CNTN4: variants seen among roughly 807,000 people sequenced by gnomAD.
CNTN4 encodes contactin 4.
Under a neutral mutation model 122.5 loss-of-function variants are expected in CNTN4, and 77 were observed. The observed-to-expected ratio is 0.63, with a 90% confidence interval of 0.52 to 0.76. The LOEUF (loss-of-function observed/expected upper bound fraction) is 0.76, where lower values mean the gene tolerates loss of function less well. Ranked by LOEUF, CNTN4 falls within the 30% of genes least tolerant of loss-of-function variation. The pLI is 0.00. For synonymous variants in CNTN4, 512 were observed against 447.0 expected (o/e 1.15, Z -1.83); for missense variants, 1,256 against 1,259.1 (o/e 1.00, Z 0.04).
intron 4 of CNTN4, among the ~76,000 whole-genome samples, chr3:2,715,143 C>G (rs559849654): frequency 6.6e-6 from 1 of 152,096 alleles, no homozygotes; most frequent in South Asian, 2.1e-4. Context: ...TGATCTCCAC[C>G]AGGAAAGGAA....
intron 3 of CNTN4, among the ~76,000 whole-genome samples, chr3:2,413,509 A>C (rs2047302981): frequency 6.6e-6 from 1 of 151,608 alleles, no homozygotes; most frequent in South Asian, 2.1e-4. Context: ...TTTTCATAGT[A>C]TTTTTCTATT....
chr3:2,933,166 G>T (rs6785594), intron 13 of CNTN4, among the ~76,000 whole-genome samples: 15,176 of 152,136 alleles, frequency 0.1, 845 homozygotes, highest in Middle Eastern at 0.14. Context: ...CTCAGGAAAT[G>T]TACATTTTAC....
rs988936011 is a variant in CNTN4 at position 2,587,653 on chromosome 3, C to T, written c.55+16095C>T. 1.4e-4 allele frequency among the ~76,000 whole-genome samples: 21 copies of T among 152,238 alleles called. No individual in the cohort carries two copies. In the South Asian group the frequency reaches 4.1e-3, roughly 30 times the overall value. ...CCTCCCTTATGATTTCAGCTATGCG[C>T]TCGATTCAGTTGAATTTAAGAAGAT... On this transcript the variant is annotated intron_variant, in intron 4 of 24. Transcript: ENST00000418658.
intron 7 of CNTN4, among the ~76,000 whole-genome samples, chr3:2,862,733 G>A (rs1056961788): frequency 2.0e-5 from 3 of 152,032 alleles, no homozygotes; most frequent in Non-Finnish European, 4.4e-5. Context: ...ATACACTTTT[G>A]CGAGTTGCAG....
At chr3:2,598,599 C>G (rs2080882178) in intron 4 of CNTN4, among the ~76,000 whole-genome samples, 1 of 152,052 alleles carries the variant, frequency 6.6e-6, no homozygotes, top group South Asian at 2.1e-4. Flanking sequence ...GTACTCTTTC[C>G]TTGATTTTAT....
intron 13 of CNTN4, among the ~76,000 whole-genome samples, chr3:2,972,273 A>G (rs1309648763): frequency 6.6e-6 from 1 of 152,158 alleles, no homozygotes; most frequent in Admixed American, 6.5e-5. Flanking sequence ...GTTAAAAATT[A>G]TTGTACTCCT....
At chr3:2,541,881 C>T (rs1383775211) in intron 3 of CNTN4, among the ~76,000 whole-genome samples, 1 of 152,020 alleles carries the variant, frequency 6.6e-6, no homozygotes, top group Non-Finnish European at 1.5e-5. Flanking sequence ...TAGGCAGGGC[C>T]ACTGACCTTG....
chr3:2,154,214 G>A (rs1012683166), intron 2 of CNTN4, among the ~76,000 whole-genome samples: 15 of 151,962 alleles, frequency 9.9e-5, no homozygotes, highest in Middle Eastern at 3.4e-3. Context: ...GTGAAACCCC[G>A]TCTCTACAAA....
intron 3 of CNTN4, among the ~76,000 whole-genome samples, chr3:2,351,465 G>A (rs2150445250): frequency 6.6e-6 from 1 of 152,240 alleles, no homozygotes; most frequent in South Asian, 2.1e-4. Context: ...TCGCATTAAA[G>A]AAGTGGATGA....
At chr3:2,191,707 T>TAC (rs1452715246) in intron 2 of CNTN4, among the ~76,000 whole-genome samples, 17 of 140,390 alleles carry the variant, frequency 1.2e-4, no homozygotes, top group African/African-American at 4.5e-4. Context: ...TATATATATA[T>TAC]ATACACACAC....
intron 7 of CNTN4, among the ~76,000 whole-genome samples, chr3:2,855,172 C>G (rs1228368246): frequency 6.6e-6 from 1 of 152,194 alleles, no homozygotes; most frequent in Non-Finnish European, 1.5e-5. Context: ...CTACCACAGT[C>G]CCCCTCAACC....
intron 6 of CNTN4, among the ~76,000 whole-genome samples, chr3:2,817,961 G>T (rs2092775967): frequency 6.6e-6 from 1 of 152,148 alleles, no homozygotes; most frequent in African/African-American, 2.4e-5. Flanking sequence ...TGAATAAAAA[G>T]AAGTTTATTA....
chr3:2,905,563 C>A (rs114233200), intron 12 of CNTN4, among the ~76,000 whole-genome samples: 2,218 of 152,314 alleles, frequency 0.015, 47 homozygotes, highest in African/African-American at 0.05. Context: ...AGTACCATCA[C>A]CTTAGCGGTT....
At chr3:2,583,518 A>T (rs936664278) in intron 4 of CNTN4, among the ~76,000 whole-genome samples, 18 of 152,214 alleles carry the variant, frequency 1.2e-4, no homozygotes, top group Non-Finnish European at 1.5e-5. Flanking sequence ...ATGAAAATGA[A>T]TTTTATTAAG....
At chr3:2,361,873 T>A (rs1350146971) in intron 3 of CNTN4, among the ~76,000 whole-genome samples, 2 of 152,150 alleles carry the variant, frequency 1.3e-5, no homozygotes, top group African/African-American at 4.8e-5. Context: ...TTCCACAGGA[T>A]CTGAGACAGA....
At chr3:2,518,244 C>G (rs994411600) in intron 3 of CNTN4, among the ~76,000 whole-genome samples, 4 of 152,078 alleles carry the variant, frequency 2.6e-5, no homozygotes, top group African/African-American at 9.7e-5. Context: ...TGCACACACG[C>G]ACATGCACGC....
intron 4 of CNTN4, among the ~76,000 whole-genome samples, chr3:2,651,426 C>T (rs1269416772): frequency 1.3e-5 from 2 of 152,140 alleles, no homozygotes; most frequent in African/African-American, 2.4e-5. Flanking sequence ...TCATTTGGTT[C>T]GATCAGATTC....
chr3:2,794,341 T>A (rs2092104452), intron 6 of CNTN4, among the ~76,000 whole-genome samples: 2 of 152,164 alleles, frequency 1.3e-5, no homozygotes, highest in Admixed American at 1.3e-4. Flanking sequence ...AATTAACAGT[T>A]CACATCTTAG....
intron 4 of CNTN4, among the ~76,000 whole-genome samples, chr3:2,625,135 T>C (rs2082133568): frequency 2.0e-5 from 3 of 152,268 alleles, no homozygotes; most frequent in Non-Finnish European, 4.4e-5. Context: ...TTGCCAGTAT[T>C]GTTTTCAGTA....
Sources: gnomAD v4.1 joint callset for allele counts (sites outside exome capture counted in the v4.1 genomes callset) on GRCh38, gnomAD v4.1.1 for gene constraint, MANE v1.5 for transcripts, NCBI Gene and HGNC (gene_info 2026-07-23, HGNC 2026-07-21) for gene names.